OTUD4: variants seen among roughly 807,000 people sequenced by gnomAD.
The protein encoded by OTUD4 is OTU deubiquitinase 4.
In OTUD4, 24 loss-of-function variants were observed where a neutral mutation model predicts 130.4. The observed-to-expected ratio is 0.18, with a 90% CI of 0.13 to 0.26. The LOEUF (loss-of-function observed/expected upper bound fraction) is 0.26, where lower values mean the gene tolerates loss of function less well. OTUD4 is among the 10% of genes least tolerant of loss of function. The pLI is 1.00. For synonymous variants in OTUD4, 420 were observed against 472.5 expected (o/e 0.89, Z 1.44); for missense variants, 1,031 against 1,329.4 (o/e 0.78, Z 3.49).
At position 145,159,528 on chromosome 4, in the gene OTUD4, A is replaced by C; in HGVS notation, c.604T>G (p.Ser202Ala). Reference protein sequence around the residue: ...EVADEDNSEISDSEDDSCKSK... With the variant: ...EVADEDNSEIADSEDDSCKSK... The stretch of plus-strand genomic sequence containing the variant: ...TTGCAACTGTCATCCTCTGAATCTG[A>C]TATTTCACTGTTATCTTCATCAGCT... Residue 202 changes from serine to alanine, a missense_variant, in exon 7 of 21, where the codon TCA becomes GCA. By Grantham distance (99) the Ser-to-Ala change is moderately conservative. This residue lies in a region of OTUD4 where 900 missense variants were observed against 1,095.9 expected (regional missense o/e 0.82). Transcript: ENST00000447906. The C allele has an allele frequency of 6.2e-7, 1 of 1,613,606 alleles. No homozygotes were observed. Among genetic ancestry groups the C allele is most frequent in the Non-Finnish European group, 8.5e-7 (1 of 1,179,732 alleles).
In OTUD4 at chr4:145,155,415, C is replaced by T; in HGVS notation, c.869G>A (p.Cys290Tyr). The T allele has an allele frequency of 1.2e-6, 2 of 1,608,160 alleles. No homozygotes were observed. Among genetic ancestry groups the T allele is most frequent in the Non-Finnish European group, 1.7e-6 (2 of 1,177,650 alleles). Residue 290 changes from cysteine (C) to tyrosine (Y), a missense_variant, in exon 10 of 21, where the codon TGT becomes TAT. Physicochemically the swap from Cys to Tyr is radical, Grantham distance 194. Around this residue, in one of 3 missense-constraint regions of OTUD4, gnomAD observed 900 missense variants for 1,095.9 expected, o/e 0.82. Coordinates refer to ENST00000447906, the MANE Select transcript of OTUD4 (RefSeq NM_001366057.1). ...AGLQYEVGDK[C>Y]QVRLDHNGKF... Reference sequence around the variant, plus strand: ...TCTTTTACATAAGTCACTTACTTGACATTTGTCTCCAACTTCATATTGTAA... The same window carrying T: ...TCTTTTACATAAGTCACTTACTTGATATTTGTCTCCAACTTCATATTGTAA...
chr4:145,158,803 G>A (rs1056693653), intron 7 of OTUD4, among the ~76,000 whole-genome samples: 1 of 152,124 alleles, frequency 6.6e-6, no homozygotes, highest in Non-Finnish European at 1.5e-5. Context: ...TGCTATCTCA[G>A]ATTGAATCTC....
At chr4:145,162,389 T>C (rs1261255300) in intron 6 of OTUD4, among the ~76,000 whole-genome samples, 1 of 151,790 alleles carries the variant, frequency 6.6e-6, no homozygotes. Context: ...TAGTCTCTAT[T>C]AAAAATACAA....
At chr4:145,162,766 T>G in intron 5 of OTUD4, 45 bp from the exon 6 acceptor site, 1 of 966,748 alleles carries the variant, frequency 1.0e-6, no homozygotes, top group East Asian at 2.5e-5. Context: ...CTCATACATA[T>G]AACATTTACA....
At chr4:145,176,009 G>A (rs1037724384) in intron 1 of OTUD4, among the ~76,000 whole-genome samples, 25 of 150,622 alleles carry the variant, frequency 1.7e-4, no homozygotes, top group African/African-American at 5.8e-4. Flanking sequence ...CGGATTACAG[G>A]AGCTGCCATG....
rs1750657020 is a variant in OTUD4 at position 145,143,432 on chromosome 4, T to A, written c.1616A>T (p.Asp539Val). Residue 539 changes from aspartate to valine, a missense_variant, in exon 17 of 21, where the codon GAT (aspartate) becomes GTT (valine). Physicochemically the swap from Asp to Val is radical, Grantham distance 152. Coordinates refer to ENST00000447906, the MANE Select transcript of OTUD4 (RefSeq NM_001366057.1). ...TGGTGATGAAACTGTTGCATATTTA[T>A]CATCAGTAATATTCTTTGGAAGCAA... Reference protein sequence around the residue: ...EPSTLENITDDKYATVSSPSK... With the variant: ...EPSTLENITDVKYATVSSPSK... The A allele has an allele frequency of 6.2e-7, 1 of 1,606,056 alleles. No individual in the cohort carries two copies. The highest frequency in any genetic ancestry group is 1.3e-5 in the African/African-American group (1 of 74,758).
chr4:145,137,969 G>A lies in OTUD4; in HGVS notation c.2806C>T (p.Arg936Trp), dbSNP rs756474732. The change falls in exon 21 of 21, where the codon CGG (arginine) becomes TGG (tryptophan). Residue 936 changes from arginine to tryptophan, a missense_variant. Transcript: ENST00000447906. ...CGTGTCTGGGAAGATTGCTCTGTCC[G>A]GCCTTCGTCCGGCTTACTGCTCACA... is the stretch of plus-strand genomic sequence containing the variant. Reference protein sequence around the residue: ...ASVSSKPDEGRTEQSSQTRKA... With the variant: ...ASVSSKPDEGWTEQSSQTRKA... 177 of 1,613,988 alleles carry A rather than the reference G, an allele frequency of 1.1e-4. 1 individual carries two copies. Among genetic ancestry groups the A allele is most frequent in the Non-Finnish European group, 1.4e-4 (164 of 1,180,048 alleles).
intron 7 of OTUD4, 171 bp downstream of exon 7, chr4:145,159,332 T>C (rs1751441973): frequency 1.4e-6 from 2 of 1,443,590 alleles, no homozygotes; most frequent in Admixed American, 2.9e-5. Context: ...ATAATAGAAA[T>C]TAGGTAAAAT....
intron 17 of OTUD4, 105 bp from the exon 18 acceptor site, chr4:145,142,439 T>C: frequency 2.1e-6 from 2 of 953,122 alleles, no homozygotes; most frequent in South Asian, 1.6e-5. Context: ...CTGCCTTTTA[T>C]ACAAATGAAG....
In OTUD4 at chr4:145,180,426, C is replaced by CGTGGGGAGT. The variant is rs1752640702; in HGVS notation, c.-454_-453insACTCCCCAC. On this transcript the variant is annotated 5_prime_UTR_variant, in exon 1 of 21. Transcript: ENST00000447906. ...GGCCTGCGCCCCCGCGCACTCCCCA[C>CGTGGGGAGT]GCCGGGAGCCGAGGAAACCAAAAAG... Among the ~76,000 whole-genome samples the CGTGGGGAGT allele has an allele frequency of 2.6e-5, 4 of 152,328 alleles. No homozygotes were observed. The highest frequency in any genetic ancestry group is 4.4e-5 in the Non-Finnish European group (3 of 68,004).
rs201297228 is a variant in OTUD4 at position 145,155,692 on chromosome 4, C to G, written c.691-6G>C. On this transcript the variant is annotated splice_polypyrimidine_tract_variant and splice_region_variant and intron_variant, in intron 8 of 20. Coordinates refer to ENST00000447906, the MANE Select transcript of OTUD4 (RefSeq NM_001366057.1). ...TTCCCATTGTTCTTCAGCTGCTAAA[C>G]AAAGTCAGGAAGTCCAATCAACACA... The G allele has an allele frequency of 1.9e-4, 301 of 1,565,612 alleles. No individual in the cohort carries two copies. The highest frequency in any genetic ancestry group is 2.5e-4 in the Non-Finnish European group (282 of 1,147,122).
chr4:145,160,609 T>C (rs1751511124), intron 6 of OTUD4, among the ~76,000 whole-genome samples: 5 of 152,100 alleles, frequency 3.3e-5, no homozygotes, highest in Admixed American at 2.0e-4. Flanking sequence ...GGTCAGGAGT[T>C]CAAGACCAGC....
In OTUD4 at chr4:145,180,002, G is replaced by C; in HGVS notation, c.-29C>G. On this transcript the variant is annotated 5_prime_UTR_variant, in exon 1 of 21. Coordinates refer to ENST00000447906, the MANE Select transcript of OTUD4 (RefSeq NM_001366057.1). Reference sequence around the variant, plus strand: ...GCTGGTCCTGCTGCAGGCCAGGCGCGGCGAGGGCTAGCCCCACATGGCCAG... The same window carrying C: ...GCTGGTCCTGCTGCAGGCCAGGCGCCGCGAGGGCTAGCCCCACATGGCCAG... The C allele has an allele frequency of 6.9e-7, 1 of 1,459,056 alleles. No individual in the cohort carries two copies. The highest frequency in any genetic ancestry group is 9.0e-7 in the Non-Finnish European group (1 of 1,116,460). The allele number at this position is 1,459,056 out of a possible 1,614,324, so 90.4% of individuals were successfully genotyped here. A position where few individuals can be genotyped will look rare whatever the true frequency, so the allele number is the denominator to read the frequency against.
rs36227001 is a variant in OTUD4 at position 145,137,093 on chromosome 4, T to C, written c.*337A>G. ...TTTCCAACATCTGAAATCAAACTTA[T>C]AAACTTATAAGGAAAAAAGCCAAAC... On this transcript the variant is annotated 3_prime_UTR_variant, in exon 21 of 21. Coordinates refer to ENST00000447906, the MANE Select transcript of OTUD4 (RefSeq NM_001366057.1). 700 of 192,392 alleles carry C rather than the reference T, an allele frequency of 3.6e-3. 3 individuals carry two copies. Among genetic ancestry groups the C allele is most frequent in the African/African-American group, 0.015 (629 of 42,688 alleles). 11.9% of individuals were successfully genotyped at this position (192,392 alleles called of 1,614,324 possible).
Position 145,138,766 on chromosome 4 carries a change from TA to T in OTUD4, c.2125-117del, listed in dbSNP as rs1262990189. 25 of 797,120 alleles carry T rather than the reference TA, an allele frequency of 3.1e-5. No individual in the cohort carries two copies. The Admixed American group carries it at 7.1e-4, about 23-fold the overall frequency. The allele number at this position is 797,120 out of a possible 1,614,324, so 49.4% of individuals were successfully genotyped here. On this transcript the variant is annotated intron_variant, in intron 20 of 20. Coordinates refer to ENST00000447906, the MANE Select transcript of OTUD4 (RefSeq NM_001366057.1). ...AAGTTTCTCATGCCTACAAAGACCA[TA>T]TAATCTATAGTCCAAATACTAAATC...
At chr4:145,159,712 G>T (rs1751463333) in intron 6 of OTUD4, 77 bp from the exon 7 acceptor site, 1 of 1,353,878 alleles carries the variant, frequency 7.4e-7, no homozygotes, top group South Asian at 1.3e-5. Context: ...CCATCACATT[G>T]TAACTTTCTA....
intron 2 of OTUD4, among the ~76,000 whole-genome samples, chr4:145,174,179 G>A (rs1050158296): frequency 4.6e-5 from 7 of 152,128 alleles, no homozygotes; most frequent in African/African-American, 1.7e-4. Context: ...ACTTTTAGTA[G>A]ACACAGAGTT....
chr4:145,134,604 G>C lies in OTUD4; in HGVS notation c.*2826C>G, dbSNP rs933792741. 4 of 397,754 alleles carry C rather than the reference G, an allele frequency of 1.0e-5. No individual in the cohort carries two copies. Among genetic ancestry groups the C allele is most frequent in the Non-Finnish European group, 1.8e-5 (4 of 225,812 alleles). 24.6% of individuals were successfully genotyped at this position (397,754 alleles called of 1,614,324 possible). A position where few individuals can be genotyped will look rare whatever the true frequency, so the allele number is the denominator to read the frequency against. On this transcript the variant is annotated 3_prime_UTR_variant, in exon 21 of 21. Transcript: ENST00000447906. ...TAAGATATATCAGCATTGTGGTCTG[G>C]GAAAACCTATGCTTGCCAGGACAAG...
rs1750327314 is a variant in OTUD4, at chr4:145,137,359, G to T, written c.*71C>A. ...TTCCAACTGCGGTTTTTACTTTATTGTATTTTTTTTAAAGCCTTCAGAAAC... is the reference window on the plus strand; with the variant it reads ...TTCCAACTGCGGTTTTTACTTTATTTTATTTTTTTTAAAGCCTTCAGAAAC... On this transcript the variant is annotated 3_prime_UTR_variant, in exon 21 of 21. Coordinates refer to ENST00000447906, the MANE Select transcript of OTUD4 (RefSeq NM_001366057.1). 6.0e-6 allele frequency: 8 copies of T among 1,324,982 alleles called. No individual in the cohort carries two copies. Among genetic ancestry groups the T allele is most frequent in the Non-Finnish European group, 1.0e-6 (1 of 956,636 alleles). 82.1% of individuals were successfully genotyped at this position (1,324,982 alleles called of 1,614,324 possible).
Sources: gnomAD v4.1 joint callset for allele counts (sites outside exome capture counted in the v4.1 genomes callset) on GRCh38, gnomAD v4.1.1 for gene constraint, gnomAD v4.1.1 regional missense constraint, MANE v1.5 for transcripts, NCBI Gene and HGNC (gene_info 2026-07-23, HGNC 2026-07-21) for gene names.